The following POMT1 variants were observed in gnomAD, a reference collection of about 807,000 sequenced individuals.
POMT1 encodes the protein protein O-mannosyltransferase 1, also known as protein O-mannosyl-transferase 1.
A neutral mutation model predicts 101.6 loss-of-function variants in POMT1; 85 were observed. That is an observed-to-expected ratio of 0.84 (90% confidence interval 0.70 to 1.00). The LOEUF (loss-of-function observed/expected upper bound fraction) is 1.00, where lower values mean the gene tolerates loss of function less well. Among genes scored for constraint, POMT1 ranks in the 50% least tolerant of loss-of-function variants. The pLI is 0.00. For missense variants in POMT1, 857 were observed against 930.4 expected, an observed-to-expected ratio of 0.92 and a Z score of 1.03; for synonymous variants, 371 against 383.0, an observed-to-expected ratio of 0.97 and a Z score of 0.37.
At chr9:131,512,843 A>G (rs1170317217) in intron 11 of POMT1, among the ~76,000 whole-genome samples, 1 of 151,992 alleles carries the variant, frequency 6.6e-6, no homozygotes, top group Admixed American at 6.6e-5. Flanking sequence ...AACTCCTGAC[A>G]TCAAGTGGTC....
chr9:131,512,251 C>A, intron 11 of POMT1, 115 bp downstream of exon 11: 1 of 1,526,814 alleles, frequency 6.5e-7, no homozygotes, highest in Non-Finnish European at 8.8e-7. Flanking sequence ...CTCTAGTCAC[C>A]GTCATGGCCT....
intron 15 of POMT1, 32 bp downstream of exon 15, chr9:131,518,989 G>C: frequency 6.2e-7 from 1 of 1,612,396 alleles, no homozygotes; most frequent in South Asian, 1.1e-5. Flanking sequence ...CGCCGCTCCT[G>C]GAATGTACTT....
Position 131,522,637 on chromosome 9 carries a change from G to T in POMT1, c.2004-295G>T. ...TTGGAGGTTGGAGCAGAGGGCGAGG[G>T]CCTCCCGGTTTCAGGAAGCCACACA... On this transcript the variant is annotated intron_variant, in intron 19 of 19. Transcript: ENST00000402686. This position sits in a 1 kb window ranked among gnomAD's most constrained non-coding sequence, Gnocchi z 5.5. 1.8e-6 allele frequency: 1 copy of T among 554,274 alleles called. No individual in the cohort carries two copies. The highest frequency in any genetic ancestry group is 2.0e-5 in the South Asian group (1 of 49,130). 34.3% of individuals were successfully genotyped at this position (554,274 alleles called of 1,614,324 possible).
chr9:131,518,468 C>T lies in POMT1; in HGVS notation c.1296C>T (p.Asp432=). Residue 432 remains aspartate (D), a synonymous_variant, in exon 14 of 20, where the codon GAC becomes GAT. Transcript: ENST00000402686. ...AGGAAATTGTGAACAGAGGATCTGACACAGACGTCTGGAAGACCATCCTCT... is the reference window on the plus strand; with the variant it reads ...AGGAAATTGTGAACAGAGGATCTGATACAGACGTCTGGAAGACCATCCTCT... ...WRLEIVNRGS[D]TDVWKTILSE... The T allele has an allele frequency of 6.2e-7, 1 of 1,613,758 alleles. No individual in the cohort carries two copies. Among genetic ancestry groups the T allele is most frequent in the Non-Finnish European group, 8.5e-7 (1 of 1,179,768 alleles).
intron 5 of POMT1, 139 bp downstream of exon 5, chr9:131,507,653 C>T: frequency 4.8e-6 from 6 of 1,245,264 alleles, no homozygotes; most frequent in Non-Finnish European, 6.8e-6. Flanking sequence ...CTGCAAGTCA[C>T]CCGCTCCCAG....
Position 131,518,360 on chromosome 9 carries a change from A to G in POMT1, c.1273-85A>G, listed in dbSNP as rs748532235. The G allele has an allele frequency of 4.0e-5, 45 of 1,116,644 alleles. No homozygotes were observed. In the South Asian group the frequency reaches 5.5e-4, roughly 14 times the overall value. 69.2% of individuals were successfully genotyped at this position (1,116,644 alleles called of 1,614,324 possible). On this transcript the variant is annotated intron_variant, in intron 13 of 19. Coordinates refer to ENST00000402686, the MANE Select transcript of POMT1 (RefSeq NM_001077365.2). ...CCCTTTGTCTCAGGCTCAAGTCAGT[A>G]TCATTGTTTGGTGACAGGTCTTTAT...
intron 2 of POMT1, among the ~76,000 whole-genome samples, chr9:131,504,755 ATGTGTGTGTGTGTG>A (rs1049729805): frequency 3.2e-4 from 48 of 148,908 alleles, no homozygotes; most frequent in South Asian, 6.3e-4. Context: ...TAATGTGTGT[ATGTGTGTGTGTGTG>A]TGTGTGTGTG....
chr9:131,508,758 G>A (rs1279328648), intron 5 of POMT1, among the ~76,000 whole-genome samples, 153 bp from the exon 6 acceptor site: 1 of 152,220 alleles, frequency 6.6e-6, no homozygotes, highest in African/African-American at 2.4e-5. Flanking sequence ...ATGACTGTAT[G>A]AGGCCTTGTG....
chr9:131,519,320 G>A lies in POMT1; in HGVS notation c.1487-69G>A. 1 of 1,466,606 alleles carries A rather than the reference G, an allele frequency of 6.8e-7. No individual in the cohort carries two copies. The highest frequency in any genetic ancestry group is 2.0e-5 in the Admixed American group (1 of 50,910). 90.8% of individuals were successfully genotyped at this position (1,466,606 alleles called of 1,614,324 possible). A position where few individuals can be genotyped will look rare whatever the true frequency, so the allele number is the denominator to read the frequency against. On this transcript the variant is annotated intron_variant, in intron 15 of 19. Coordinates refer to ENST00000402686, the MANE Select transcript of POMT1 (RefSeq NM_001077365.2). The surrounding 1 kb of genome is among the most constrained non-coding windows in gnomAD (Gnocchi z 4.3). ...CAGGAAGCCAGCTTTTTGCTGCACT[G>A]ACAGCTTCTGCTCTGAGCTCTTGAC... is the stretch of plus-strand genomic sequence containing the variant.
chr9:131,511,968 C>T, intron 10 of POMT1, 73 bp from the exon 11 acceptor site: 2 of 1,549,596 alleles, frequency 1.3e-6, no homozygotes, highest in South Asian at 2.3e-5. Flanking sequence ...ACCTCAGCCT[C>T]CCAAAGTGCT....
chr9:131,505,757 C>T (rs982520557), intron 2 of POMT1, among the ~76,000 whole-genome samples: 7 of 6,938 alleles, frequency 1.0e-3, no homozygotes, highest in East Asian at 0.015. Context: ...CTGGTGGGGG[C>T]GGGGGTGGGG....
rs946760229 is a variant in POMT1, at chr9:131,519,318, C to T, written c.1487-71C>T. 3.4e-5 allele frequency: 50 copies of T among 1,455,772 alleles called. No individual in the cohort carries two copies. Among genetic ancestry groups the T allele is most frequent in the Non-Finnish European group, 5.6e-6 (6 of 1,063,700 alleles). 90.2% of individuals were successfully genotyped at this position (1,455,772 alleles called of 1,614,324 possible). On this transcript the variant is annotated intron_variant, in intron 15 of 19. Transcript: ENST00000402686. The surrounding 1 kb of genome is among the most constrained non-coding windows in gnomAD (Gnocchi z 4.3). ...GGCAGGAAGCCAGCTTTTTGCTGCA[C>T]TGACAGCTTCTGCTCTGAGCTCTTG... is the stretch of plus-strand genomic sequence containing the variant.
chr9:131,517,019 T>C (rs1466005600), intron 13 of POMT1: 2 of 152,276 alleles, frequency 1.3e-5, no homozygotes, highest in Admixed American at 1.3e-4. Flanking sequence ...TGTTGCCATC[T>C]GAATCTAAGG....
chr9:131,521,183 C>A, intron 17 of POMT1, 163 bp from the exon 18 acceptor site: 1 of 942,384 alleles, frequency 1.1e-6, no homozygotes, highest in Non-Finnish European at 1.7e-6. Flanking sequence ...TAGGAGCAGA[C>A]CTGTCCACAG....
chr9:131,522,419 G>A lies in POMT1; in HGVS notation c.2003+195G>A, dbSNP rs1356208006. ...GCACTGCAGGAACCCAGAGGGAGAA[G>A]TCGCGGCTGACAGAGATGAAAGCGG... On this transcript the variant is annotated intron_variant, in intron 19 of 19. Transcript: ENST00000402686. This position sits in a 1 kb window ranked among gnomAD's most constrained non-coding sequence, Gnocchi z 5.5. 2.6e-6 allele frequency: 3 copies of A among 1,168,026 alleles called. No individual in the cohort carries two copies. Among genetic ancestry groups the A allele is most frequent in the African/African-American group, 3.1e-5 (2 of 65,042 alleles). 72.4% of individuals were successfully genotyped at this position (1,168,026 alleles called of 1,614,324 possible).
At position 131,521,354 on chromosome 9, in the gene POMT1, C is replaced by A. The variant is rs1329596445; in HGVS notation, c.1707C>A (p.Ile569=). Residue 569 remains isoleucine, a synonymous_variant, in exon 18 of 20, where the codon ATC becomes ATA. Transcript: ENST00000402686. ...CTCCCATGTTCCCTTAGGCTCAGATCCACCTACTTGGAAACATAGTGATCT... is the reference window on the plus strand; with the variant it reads ...CTCCCATGTTCCCTTAGGCTCAGATACACCTACTTGGAAACATAGTGATCT... The part of the protein sequence containing the change: ...YWLHPRTSAQ[I]HLLGNIVIWV... 6.2e-7 allele frequency: 1 copy of A among 1,614,184 alleles called. No individual in the cohort carries two copies. The highest frequency in any genetic ancestry group is 1.1e-5 in the South Asian group (1 of 91,076).
At position 131,520,201 on chromosome 9, in the gene POMT1, A is replaced by G. The variant is rs2131882433; in HGVS notation, c.1698+8A>G. 6.2e-7 allele frequency: 1 copy of G among 1,603,500 alleles called. No individual in the cohort carries two copies. The highest frequency in any genetic ancestry group is 2.2e-5 in the East Asian group (1 of 44,790). ...CTGCACCCCAGGACCAGCGTAAGCG[A>G]GCGATGCTGACAGCTGACAGTCATA... On this transcript the variant is annotated splice_region_variant and intron_variant, in intron 17 of 19. Coordinates refer to ENST00000402686, the MANE Select transcript of POMT1 (RefSeq NM_001077365.2).
rs760071332 is a variant in POMT1 at position 131,507,515 on chromosome 9, G to A, written c.427+1G>A. 1 of 1,614,092 alleles carries A rather than the reference G, an allele frequency of 6.2e-7. No individual in the cohort carries two copies. The highest frequency in any genetic ancestry group is 1.3e-5 in the African/African-American group (1 of 75,034). Reference sequence around the variant, plus strand: ...GGAGCTGCTCTGTTGATGCTTATCGGTAAGACCTGCGCCCCTGCCTGCTCT... The same window carrying A: ...GGAGCTGCTCTGTTGATGCTTATCGATAAGACCTGCGCCCCTGCCTGCTCT... On this transcript the variant is annotated splice_donor_variant, in intron 5 of 19. Transcript: ENST00000402686. LOFTEE classifies it high-confidence loss of function.
At chr9:131,516,714 G>C (rs1948756579) in intron 13 of POMT1, 1 of 152,324 alleles carries the variant, frequency 6.6e-6, no homozygotes, top group Non-Finnish European at 1.5e-5. Context: ...TCCATGTTGG[G>C]TGCCAGGTGC....
Sources: allele counts gnomAD v4.1 joint callset (sites outside exome capture counted in the v4.1 genomes callset), GRCh38; gene constraint gnomAD v4.1.1; non-coding constraint Gnocchi (gnomAD v3.1); transcripts MANE v1.5; gene names NCBI Gene and HGNC (gene_info 2026-07-23, HGNC 2026-07-21).